The following ARPP21 variants were observed in gnomAD, a reference collection of about 807,000 sequenced individuals.
ARPP21 encodes the protein cAMP regulated phosphoprotein 21.
In ARPP21, 69 loss-of-function variants were observed where a neutral mutation model predicts 113.2. The ratio of observed to expected loss-of-function variants is 0.61; its 90% CI spans 0.50 to 0.74. The LOEUF (loss-of-function observed/expected upper bound fraction) is 0.74, where lower values mean the gene tolerates loss of function less well. ARPP21 is among the 30% of genes least tolerant of loss of function. ARPP21 has a pLI of 0.00. For synonymous variants in ARPP21, 368 were observed against 375.5 expected (o/e 0.98, Z 0.23); for missense variants, 1,070 against 1,037.4 (o/e 1.03, Z -0.43).
chr3:35,744,115 T>A (rs1238712459), intron 19 of ARPP21, 150 bp downstream of exon 19: 8 of 802,334 alleles, frequency 1.0e-5, no homozygotes, highest in Non-Finnish European at 1.6e-5. Context: ...ATTGACTCTG[T>A]GTGGAAAAGT....
At chr3:35,663,254 T>A (rs1575549864) in intron 1 of ARPP21, among the ~76,000 whole-genome samples, 1 of 151,098 alleles carries the variant, frequency 6.6e-6, no homozygotes, top group Non-Finnish European at 1.5e-5. Context: ...AAGGCTTCAC[T>A]GGATTTGGGT....
chr3:35,668,005 GA>G lies in ARPP21; in HGVS notation c.-212-11780del, dbSNP rs1341834912. Among the ~76,000 whole-genome samples, 28 of 150,298 alleles carry G rather than the reference GA, an allele frequency of 1.9e-4. 1 individual carries two copies. The highest frequency in any genetic ancestry group is 9.9e-4 in the Admixed American group (15 of 15,100). On this transcript the variant is annotated intron_variant, in intron 1 of 20. Transcript: ENST00000684406. The stretch of plus-strand genomic sequence containing the variant: ...AGAAGAAGAAGAAGAAGAAGAAGAA[GA>G]AGAAGAAGAAGAAGAAGAAGAAGAA...
chr3:35,745,799 GA>G (rs770300228), intron 19 of ARPP21, among the ~76,000 whole-genome samples: 115 of 152,238 alleles, frequency 7.6e-4, no homozygotes, highest in Non-Finnish European at 1.4e-3. Flanking sequence ...TAGGGATGTG[GA>G]AACACCCTCT....
At position 35,792,494 on chromosome 3, in the gene ARPP21, C is replaced by G. The variant is rs370183824; in HGVS notation, c.2250C>G (p.Ser750Arg). 1 of 1,613,906 alleles carries G rather than the reference C, an allele frequency of 6.2e-7. No homozygotes were observed. The highest frequency in any genetic ancestry group is 1.3e-5 in the African/African-American group (1 of 74,888). The change falls in exon 20 of 21, where the codon AGC becomes AGG. Residue 750 changes from serine (S) to arginine (R), a missense_variant. Coordinates refer to ENST00000684406, the MANE Select transcript of ARPP21 (RefSeq NM_001385562.1). ...INNQQGTPVQ[S>R]VMVSYPTMSS... ...ACCAACAAGGAACTCCGGTGCAAAG[C>G]GTGATGGTTTCCTACCCAACAATGT...
intron 9 of ARPP21, among the ~76,000 whole-genome samples, chr3:35,696,144 A>G (rs1172027698): frequency 6.6e-6 from 1 of 151,632 alleles, no homozygotes; most frequent in Non-Finnish European, 1.5e-5. Flanking sequence ...TACTTTAGAA[A>G]GGTTAGTCTG....
At chr3:35,659,724 A>G (rs919384309) in intron 1 of ARPP21, among the ~76,000 whole-genome samples, 3 of 152,186 alleles carry the variant, frequency 2.0e-5, no homozygotes, top group Non-Finnish European at 4.4e-5. Context: ...TTGTTGGTTA[A>G]TATACAAGTT....
At chr3:35,640,495 G>A (rs1697663715) in intron 1 of ARPP21, 97 bp downstream of exon 1, 1 of 152,066 alleles carries the variant, frequency 6.6e-6, no homozygotes, top group South Asian at 2.1e-4. Flanking sequence ...TGTTTCTTTT[G>A]AATTTTTTCT....
intron 19 of ARPP21, chr3:35,774,934 C>G (rs1223341669): frequency 6.6e-6 from 1 of 152,094 alleles, no homozygotes; most frequent in Non-Finnish European, 1.5e-5. Flanking sequence ...CTGTTCTTCC[C>G]ATTTCAAAGA....
chr3:35,784,324 T>A (rs1350452818), intron 19 of ARPP21, among the ~76,000 whole-genome samples: 1 of 152,196 alleles, frequency 6.6e-6, no homozygotes, highest in Non-Finnish European at 1.5e-5. Context: ...AAACCAGGAA[T>A]CTTGCCAGCT....
chr3:35,679,156 A>G (rs1173342141), intron 1 of ARPP21, among the ~76,000 whole-genome samples: 1 of 151,918 alleles, frequency 6.6e-6, no homozygotes, highest in Non-Finnish European at 1.5e-5. Flanking sequence ...AGGGAGGGCT[A>G]TGGATAGATT....
chr3:35,765,032 C>T (rs1559895001), intron 19 of ARPP21, among the ~76,000 whole-genome samples: 1 of 152,014 alleles, frequency 6.6e-6, no homozygotes. Context: ...CATGTACCTA[C>T]TATTGCTAAA....
intron 1 of ARPP21, among the ~76,000 whole-genome samples, chr3:35,668,678 A>T (rs952967446): frequency 1.3e-5 from 2 of 152,202 alleles, no homozygotes; most frequent in Non-Finnish European, 2.9e-5. Flanking sequence ...ATAAATATTT[A>T]AAATTATGAT....
rs776261533 is a variant in ARPP21, at chr3:35,739,431, G to A, written c.1864G>A (p.Ala622Thr). The part of the protein sequence containing the change: ...VYPSSLMPQP[A>T]QQPSYVIAST... ...CCCATCCTCCCTTATGCCACAGCCGGCCCAGCAGCCCAGCTATGTAATCGC... is the reference window on the plus strand; with the variant it reads ...CCCATCCTCCCTTATGCCACAGCCGACCCAGCAGCCCAGCTATGTAATCGC... The change falls in exon 18 of 21, where the codon GCC (alanine) becomes ACC (threonine). Residue 622 changes from alanine (A) to threonine (T), a missense_variant. Physicochemically the swap from Ala to Thr is moderately conservative, Grantham distance 58. Coordinates refer to ENST00000684406, the MANE Select transcript of ARPP21 (RefSeq NM_001385562.1). The A allele has an allele frequency of 1.9e-6, 3 of 1,613,998 alleles. No individual in the cohort carries two copies. The highest frequency in any genetic ancestry group is 1.7e-5 in the Admixed American group (1 of 60,010).
chr3:35,678,072 A>T (rs2077975708), intron 1 of ARPP21, among the ~76,000 whole-genome samples: 2 of 151,960 alleles, frequency 1.3e-5, no homozygotes, highest in South Asian at 4.1e-4. Flanking sequence ...TTACGCATAC[A>T]CATATATCCA....
chr3:35,695,240 A>G (rs1381666852), intron 9 of ARPP21, among the ~76,000 whole-genome samples: 1 of 151,518 alleles, frequency 6.6e-6, no homozygotes, highest in Non-Finnish European at 1.5e-5. Context: ...CTGTCTAGAG[A>G]TTTTACATTA....
At chr3:35,762,126 T>TCTCTCTCTCTCA (rs1424526664) in intron 19 of ARPP21, among the ~76,000 whole-genome samples, 2 of 126,956 alleles carry the variant, frequency 1.6e-5, no homozygotes, top group African/African-American at 2.8e-5. Flanking sequence ...TCTCTCTCTC[T>TCTCTCTCTCTCA]CACACACACA....
chr3:35,701,468 C>T (rs1234514518), intron 9 of ARPP21, among the ~76,000 whole-genome samples: 1 of 151,566 alleles, frequency 6.6e-6, no homozygotes, highest in East Asian at 1.9e-4. Context: ...GGTGCTGTCG[C>T]CAACACCATG....
At position 35,793,839 on chromosome 3, in the gene ARPP21, C is replaced by T. The variant is rs2096794478; in HGVS notation, c.2425C>T (p.Gln809Ter). 6.2e-7 allele frequency: 1 copy of T among 1,614,216 alleles called. No homozygotes were observed. The highest frequency in any genetic ancestry group is 2.2e-5 in the East Asian group (1 of 44,882). Residue 809 changes from glutamine to a stop codon, truncating the protein, a stop_gained, in exon 21 of 21, where the codon CAG becomes TAG. Transcript: ENST00000684406. LOFTEE classifies it high-confidence loss of function. ...CTGTAATGTCACACCGCCCACCCCT[C>T]AGAACAACCTTAGGCTGATTGGCCC... Reference protein sequence around the residue: ...VYCNVTPPTPQNNLRLIGPHC... With the variant: ...VYCNVTPPTP
intron 18 of ARPP21, among the ~76,000 whole-genome samples, chr3:35,743,551 T>C (rs1205778848): frequency 6.6e-6 from 1 of 151,946 alleles, no homozygotes; most frequent in Non-Finnish European, 1.5e-5. Flanking sequence ...CCTACAGACG[T>C]GGAAGCTGCA....
Sources: gnomAD v4.1 joint callset for allele counts (sites outside exome capture counted in the v4.1 genomes callset) on GRCh38, gnomAD v4.1.1 for gene constraint, MANE v1.5 for transcripts, NCBI Gene and HGNC (gene_info 2026-07-23, HGNC 2026-07-21) for gene names.